The following GNAQ variants were observed in gnomAD, a reference collection of about 807,000 sequenced individuals.
GNAQ encodes the protein G protein subunit alpha q.
Under a neutral mutation model 43.9 loss-of-function variants are expected in GNAQ, and 8 were observed. The ratio of observed to expected loss-of-function variants is 0.18; its 90% confidence interval spans 0.11 to 0.33. The LOEUF is 0.33. Among genes scored for constraint, GNAQ ranks in the 10% least tolerant of loss-of-function variants. GNAQ has a pLI of 1.00. For synonymous variants in GNAQ, 155 were observed against 170.7 expected (o/e 0.91, Z 0.71); for missense variants, 158 against 450.8 (o/e 0.35, Z 5.88).
chr9:77,839,131 C>T (rs1827442491), intron 2 of GNAQ, among the ~76,000 whole-genome samples: 2 of 152,130 alleles, frequency 1.3e-5, no homozygotes, highest in African/African-American at 4.8e-5. Flanking sequence ...CTCTCTTATT[C>T]CCCCAGGCCT....
intron 2 of GNAQ, among the ~76,000 whole-genome samples, chr9:77,842,078 A>G (rs757358925): frequency 1.1e-4 from 16 of 152,214 alleles, no homozygotes; most frequent in Non-Finnish European, 1.9e-4. Flanking sequence ...AATAAATCAA[A>G]TCCCTCTAGG....
chr9:77,921,505 G>T (rs1828996558), intron 2 of GNAQ, among the ~76,000 whole-genome samples: 1 of 152,312 alleles, frequency 6.6e-6, no homozygotes, highest in East Asian at 1.9e-4. Context: ...CTTCAACCAA[G>T]AAATAATGCT....
At chr9:77,775,510 C>G (rs987871662) in intron 5 of GNAQ, among the ~76,000 whole-genome samples, 1 of 151,048 alleles carries the variant, frequency 6.6e-6, no homozygotes, top group South Asian at 2.1e-4. Context: ...CCCGGGTTCA[C>G]GCCATTCTCC....
Position 77,923,895 on chromosome 9 carries a change from T to C in GNAQ, c.137-1550A>G, listed in dbSNP as rs553374121. On this transcript the variant is annotated intron_variant, in intron 1 of 6. Transcript: ENST00000286548. The stretch of plus-strand genomic sequence containing the variant: ...CGCCATCTGTCCTAAATTCATTTTG[T>C]TTTTCTGATGGTTGGATTTCATTAC... Among the ~76,000 whole-genome samples the C allele has an allele frequency of 7.2e-5, 11 of 152,290 alleles. No individual in the cohort carries two copies. The East Asian group carries it at 1.7e-3, about 24-fold the overall frequency.
At chr9:77,808,806 A>T (rs532340536) in intron 3 of GNAQ, among the ~76,000 whole-genome samples, 2 of 152,238 alleles carry the variant, frequency 1.3e-5, no homozygotes, top group African/African-American at 4.8e-5. Context: ...ACCTTGACCT[A>T]ATATTTTCAC....
intron 1 of GNAQ, among the ~76,000 whole-genome samples, chr9:77,929,588 T>C (rs1423318095): frequency 6.6e-6 from 1 of 152,130 alleles, no homozygotes; most frequent in Non-Finnish European, 1.5e-5. Flanking sequence ...CCCAGCACTG[T>C]GGGACGCCGA....
At chr9:77,985,475 G>T (rs543743582) in intron 1 of GNAQ, among the ~76,000 whole-genome samples, 1 of 152,312 alleles carries the variant, frequency 6.6e-6, no homozygotes, top group South Asian at 2.1e-4. Context: ...GAGGATAGTT[G>T]TATGTCATTC....
chr9:77,807,108 T>C (rs145848110), intron 3 of GNAQ, among the ~76,000 whole-genome samples: 1 of 152,270 alleles, frequency 6.6e-6, no homozygotes, highest in East Asian at 1.9e-4. Context: ...AAACTAATTA[T>C]AAATCAAAAT....
intron 1 of GNAQ, among the ~76,000 whole-genome samples, chr9:78,016,957 CGTTAT>C (rs369022784): frequency 2.8e-4 from 43 of 151,952 alleles, no homozygotes; most frequent in East Asian, 1.7e-3. Context: ...TGTTACGTTA[CGTTAT>C]GTTATGTTAT....
intron 5 of GNAQ, among the ~76,000 whole-genome samples, chr9:77,790,838 G>A (rs1423159492): frequency 2.6e-5 from 4 of 152,214 alleles, no homozygotes; most frequent in African/African-American, 7.2e-5. Context: ...TCGTTATGAC[G>A]CACACCAGCA....
chr9:77,803,432 T>C (rs1431570669), intron 3 of GNAQ, among the ~76,000 whole-genome samples: 1 of 152,234 alleles, frequency 6.6e-6, no homozygotes, highest in Non-Finnish European at 1.5e-5. Flanking sequence ...GGTGGGACTT[T>C]ATCAACAAGA....
intron 5 of GNAQ, among the ~76,000 whole-genome samples, chr9:77,760,405 C>T (rs1172208262): frequency 1.3e-5 from 2 of 152,132 alleles, no homozygotes; most frequent in African/African-American, 4.8e-5. Context: ...GACGGGGTTT[C>T]GCTGTGTTGG....
At chr9:77,952,749 T>C (rs1343584046) in intron 1 of GNAQ, among the ~76,000 whole-genome samples, 1 of 152,226 alleles carries the variant, frequency 6.6e-6, no homozygotes, top group African/African-American at 2.4e-5. Flanking sequence ...AACATCTGTT[T>C]CACTCCTTGT....
intron 2 of GNAQ, among the ~76,000 whole-genome samples, chr9:77,823,522 C>T (rs1041581493): frequency 1.3e-5 from 2 of 152,062 alleles, no homozygotes; most frequent in African/African-American, 4.8e-5. Flanking sequence ...CTATAAAGAA[C>T]TACCTGAGAC....
chr9:77,748,359 A>G (rs1014626547), intron 5 of GNAQ, among the ~76,000 whole-genome samples: 1 of 152,220 alleles, frequency 6.6e-6, no homozygotes, highest in Non-Finnish European at 1.5e-5. Flanking sequence ...ATTACCCTGG[A>G]AAGATGAGAG....
chr9:78,008,601 TTTCATTTCATTTC>T (rs1823735008), intron 1 of GNAQ, among the ~76,000 whole-genome samples: 1 of 151,844 alleles, frequency 6.6e-6, no homozygotes, highest in Admixed American at 6.6e-5. Context: ...TTTCATTTCA[TTTCATTTCATTTC>T]ATTTCATTTT....
At chr9:77,921,950 T>G (rs1238418895) in intron 2 of GNAQ, among the ~76,000 whole-genome samples, 3 of 152,144 alleles carry the variant, frequency 2.0e-5, no homozygotes, top group Non-Finnish European at 4.4e-5. Context: ...ACAAATCTGG[T>G]TTTTTATAGG....
At chr9:77,947,894 A>G (rs7854006) in intron 1 of GNAQ, among the ~76,000 whole-genome samples, 33,924 of 152,036 alleles carry the variant, frequency 0.22, 3,971 homozygotes, top group South Asian at 0.38. Context: ...GCTACTTAAC[A>G]GCTGTGGGAC....
At chr9:77,899,613 A>T (rs1828565766) in intron 2 of GNAQ, among the ~76,000 whole-genome samples, 1 of 152,178 alleles carries the variant, frequency 6.6e-6, no homozygotes. Context: ...TAATCATATG[A>T]AAGCATCTCA....
Sources: allele counts gnomAD v4.1 joint callset (sites outside exome capture counted in the v4.1 genomes callset), GRCh38; gene constraint gnomAD v4.1.1; transcripts MANE v1.5; gene names NCBI Gene and HGNC (gene_info 2026-07-23, HGNC 2026-07-21).